The following CASK variants were observed in gnomAD, a reference collection of about 807,000 sequenced individuals.
CASK encodes the protein peripheral plasma membrane protein CASK.
A neutral mutation model predicts 82.9 loss-of-function variants in CASK; 4 were observed. The ratio of observed to expected loss-of-function variants is 0.05; its 90% CI spans 0.02 to 0.11. The LOEUF (loss-of-function observed/expected upper bound fraction) is 0.11, where lower values mean the gene tolerates loss of function less well. Among genes scored for constraint, CASK ranks in the 10% least tolerant of loss-of-function variants. The pLI is 1.00. For missense variants in CASK, 358 were observed against 720.9 expected, an observed-to-expected ratio of 0.50 and a Z score of 5.76; for synonymous variants, 259 against 253.5, an observed-to-expected ratio of 1.02 and a Z score of -0.20.
At position 41,702,410 on chromosome X, in the gene CASK, T is replaced by A. The variant is rs997232041; in HGVS notation, c.430-30880A>T. ...CAAAAACATAAATAAATAAATAAAT[T>A]ACAATAAAATAAAAAAACATAAATT... On this transcript the variant is annotated intron_variant, in intron 5 of 26. Transcript: ENST00000378163. 7.7e-5 allele frequency among the ~76,000 whole-genome samples: 8 copies of A among 104,430 alleles called. No individual in the cohort carries two copies. In the South Asian group the frequency reaches 1.3e-3, roughly 16 times the overall value. 90.7% of individuals were successfully genotyped at this position (104,430 alleles called of 115,157 possible). A position where few individuals can be genotyped will look rare whatever the true frequency, so the allele number is the denominator to read the frequency against.
intron 11 of CASK, among the ~76,000 whole-genome samples, chrX:41,611,310 T>A (rs951265750): frequency 7.2e-5 from 8 of 110,640 alleles, no homozygotes; most frequent in Non-Finnish European, 1.1e-4. Context: ...AGAATATATA[T>A]CAGTACCACT....
chrX:41,538,394 C>T (rs149310676), intron 22 of CASK, among the ~76,000 whole-genome samples: 47 of 111,656 alleles, frequency 4.2e-4, no homozygotes, highest in African/African-American at 1.3e-3. Flanking sequence ...AGACTTCCTA[C>T]ATTTTTAAAA....
rs746635585 is a variant in CASK, at chrX:41,795,973, C to G, written c.173-8690G>C. On this transcript the variant is annotated intron_variant, in intron 2 of 26. Coordinates refer to ENST00000378163, the MANE Select transcript of CASK (RefSeq NM_001367721.1). The stretch of plus-strand genomic sequence containing the variant: ...TTTCTGGACAGGGTACCAACCTGTC[C>G]TGGTTTGCCTGGAACTTTCTCAGTT... Among the ~76,000 whole-genome samples, 112 of 111,507 alleles carry G rather than the reference C, an allele frequency of 1.0e-3. 1 individual carries two copies. The highest frequency in any genetic ancestry group is 1.8e-3 in the Non-Finnish European group (96 of 53,043).
At chrX:41,744,726 G>T (rs754519224) in intron 4 of CASK, among the ~76,000 whole-genome samples, 2 of 111,816 alleles carry the variant, frequency 1.8e-5, no homozygotes, top group South Asian at 7.4e-4. Context: ...TGATTGGTAG[G>T]TCTCACACTG....
In CASK at chrX:41,559,590, C is replaced by T. The variant is rs1462265477; in HGVS notation, c.1737+189G>A. The T allele has an allele frequency of 8.4e-6, 4 of 476,854 alleles. No individual in the cohort carries two copies. The African/African-American group carries it at 9.5e-5, about 11-fold the overall frequency. 39.3% of individuals were successfully genotyped at this position (476,854 alleles called of 1,213,427 possible). ...AAAAAGTTCAAAGTGCTGAGGAGAT[C>T]CACATGGAAGCAGGGCTGAGTAGGT... On this transcript the variant is annotated intron_variant, in intron 18 of 26. Coordinates refer to ENST00000378163, the MANE Select transcript of CASK (RefSeq NM_001367721.1).
intron 7 of CASK, among the ~76,000 whole-genome samples, chrX:41,663,201 T>G (rs900650430): frequency 8.1e-5 from 9 of 111,607 alleles, no homozygotes; most frequent in Non-Finnish European, 1.1e-4. Flanking sequence ...TGTTCGAAAT[T>G]TTTGATAATA....
intron 2 of CASK, among the ~76,000 whole-genome samples, chrX:41,806,190 T>A (rs1243295604): frequency 8.9e-6 from 1 of 112,036 alleles, no homozygotes; most frequent in Non-Finnish European, 1.9e-5. Flanking sequence ...ATTTGGACTG[T>A]CTGGTATATT....
chrX:41,527,219 GA>G (rs1366711839), intron 25 of CASK, among the ~76,000 whole-genome samples: 2 of 110,744 alleles, frequency 1.8e-5, no homozygotes, highest in African/African-American at 6.6e-5. Flanking sequence ...GAGTGAGAGA[GA>G]GGGGGAGAGG....
chrX:41,617,788 T>A (rs2066223887), intron 11 of CASK, among the ~76,000 whole-genome samples: 1 of 112,632 alleles, frequency 8.9e-6, no homozygotes, highest in Admixed American at 9.4e-5. Context: ...TGATTATTAA[T>A]ATAACACATG....
chrX:41,521,622 A>G (rs1029783226), intron 26 of CASK, among the ~76,000 whole-genome samples: 4 of 111,777 alleles, frequency 3.6e-5, no homozygotes, highest in Non-Finnish European at 5.7e-5. Flanking sequence ...GTCTGCCTCT[A>G]TATCTTCGCA....
chrX:41,550,669 G>A (rs1353389623), intron 21 of CASK, among the ~76,000 whole-genome samples: 2 of 107,909 alleles, frequency 1.9e-5, no homozygotes, highest in African/African-American at 6.8e-5. Flanking sequence ...GGCTAAGGTG[G>A]AAGGATCACT....
chrX:41,854,207 C>CGT (rs2071321244), intron 1 of CASK, among the ~76,000 whole-genome samples: 1 of 96,914 alleles, frequency 1.0e-5, no homozygotes, highest in African/African-American at 3.9e-5. Flanking sequence ...GGAACATGCG[C>CGT]GCGCGCGCGG....
rs143486423 is a variant in CASK at position 41,746,107 on chromosome X, C to T, written c.279-506G>A. On this transcript the variant is annotated intron_variant, in intron 3 of 26. Coordinates refer to ENST00000378163, the MANE Select transcript of CASK (RefSeq NM_001367721.1). ...TTACACTGCCATTCCCAAAGTTCATCGCTACAAACATATTGTAACACATAG... is the reference window on the plus strand; with the variant it reads ...TTACACTGCCATTCCCAAAGTTCATTGCTACAAACATATTGTAACACATAG... Among the ~76,000 whole-genome samples the T allele has an allele frequency of 3.4e-3, 385 of 111,803 alleles. 6 individuals carry two copies. Among genetic ancestry groups the T allele is most frequent in the African/African-American group, 0.012 (368 of 30,843 alleles).
At chrX:41,640,988 T>C (rs1033950950) in intron 8 of CASK, among the ~76,000 whole-genome samples, 1 of 94,287 alleles carries the variant, frequency 1.1e-5, no homozygotes, top group African/African-American at 3.9e-5. Flanking sequence ...TTTTTTTTTT[T>C]TTTTTTTTTT....
intron 3 of CASK, among the ~76,000 whole-genome samples, chrX:41,777,171 G>C (rs1216524198): frequency 9.0e-6 from 1 of 111,713 alleles, no homozygotes; most frequent in Non-Finnish European, 1.9e-5. Flanking sequence ...ACCAAAAATA[G>C]AGTATATACT....
chrX:41,783,043 G>A (rs2069512088), intron 3 of CASK, among the ~76,000 whole-genome samples: 1 of 110,586 alleles, frequency 9.0e-6, no homozygotes, highest in Non-Finnish European at 1.9e-5. Context: ...TACATGGGAA[G>A]CTGAGGCAAA....
chrX:41,537,681 C>G (rs1404493526), intron 22 of CASK, among the ~76,000 whole-genome samples: 1 of 110,362 alleles, frequency 9.1e-6, no homozygotes, highest in Non-Finnish European at 1.9e-5. Flanking sequence ...ATTTTATATA[C>G]TAGCATATGC....
chrX:41,912,984 G>A (rs1290778890), intron 1 of CASK, among the ~76,000 whole-genome samples: 1 of 108,850 alleles, frequency 9.2e-6, no homozygotes, highest in Non-Finnish European at 1.9e-5. Context: ...AGTTACCCAA[G>A]GAGAAGACCG....
chrX:41,849,991 C>T (rs893810047), intron 2 of CASK, among the ~76,000 whole-genome samples: 1 of 111,386 alleles, frequency 9.0e-6, no homozygotes, highest in Non-Finnish European at 1.9e-5. Context: ...TCAGCCTGAA[C>T]AATATGGCAA....
Sources: gnomAD v4.1 joint callset for allele counts (sites outside exome capture counted in the v4.1 genomes callset) on GRCh38, gnomAD v4.1.1 for gene constraint, MANE v1.5 for transcripts, NCBI Gene and HGNC (gene_info 2026-07-23, HGNC 2026-07-21) for gene names.